Variants in PDZD2 observed in about 807,000 individuals in gnomAD.
PDZD2 encodes the protein PDZ domain containing 2, also known as PDZ domain-containing protein 2.
Under a neutral mutation model 220.7 loss-of-function variants are expected in PDZD2, and 90 were observed. That is an observed-to-expected ratio of 0.41 (90% CI 0.34 to 0.49). PDZD2 has a LOEUF of 0.49. Ranked by LOEUF, PDZD2 falls within the 20% of genes least tolerant of loss-of-function variation. The probability of loss-of-function intolerance (pLI) is 0.28; values close to 1 mark genes in which losing one functional copy is unlikely to be tolerated. For missense variants in PDZD2, 3,174 were observed against 3,608.5 expected (o/e 0.88, Z 3.08); for synonymous variants, 1,375 against 1,450.5 (o/e 0.95, Z 1.18).
intron 2 of PDZD2, among the ~76,000 whole-genome samples, chr5:31,923,917 G>C (rs533115346): frequency 6.6e-6 from 1 of 152,096 alleles, no homozygotes; most frequent in African/African-American, 2.4e-5. Flanking sequence ...CACTAGAGTC[G>C]TGTCTCCTGC....
chr5:31,724,092 C>G (rs1748967344), intron 1 of PDZD2, among the ~76,000 whole-genome samples: 1 of 152,176 alleles, frequency 6.6e-6, no homozygotes, highest in African/African-American at 2.4e-5. Context: ...TTACTTGCTT[C>G]TAACAGCTGT....
chr5:32,011,272 T>C (rs1753295303), intron 6 of PDZD2, among the ~76,000 whole-genome samples: 1 of 151,080 alleles, frequency 6.6e-6, no homozygotes, highest in East Asian at 2.0e-4. Flanking sequence ...GTGGATTGCT[T>C]GAGCTCAGGA....
At chr5:31,731,750 GA>G (rs1431923625) in intron 1 of PDZD2, among the ~76,000 whole-genome samples, 1 of 152,162 alleles carries the variant, frequency 6.6e-6, no homozygotes, top group Non-Finnish European at 1.5e-5. Context: ...TTCATCTGTT[GA>G]TGAACATTTG....
rs1313772729 is a variant in PDZD2, at chr5:32,069,605, A to G, written c.2488A>G (p.Ser830Gly). ...GGAAATGGATGAAGTCATAGCACGCAGCACTTATCAGGAGAGCAAAGAGGC... is the reference window on the plus strand; with the variant it reads ...GGAAATGGATGAAGTCATAGCACGCGGCACTTATCAGGAGAGCAAAGAGGC... ...EQEMDEVIAR[S>G]TYQESKEANS... The change falls in exon 15 of 25, where the codon AGC becomes GGC. Residue 830 changes from serine (S) to glycine (G), a missense_variant. Ser to Gly is a moderately conservative substitution (Grantham distance 56, BLOSUM62 0). Coordinates refer to ENST00000438447, the MANE Select transcript of PDZD2 (RefSeq NM_178140.4). 1 of 1,601,194 alleles carries G rather than the reference A, an allele frequency of 6.2e-7. No homozygotes were observed. The highest frequency in any genetic ancestry group is 1.1e-5 in the South Asian group (1 of 90,844).
At chr5:31,834,437 AG>A (rs1378808030) in intron 2 of PDZD2, among the ~76,000 whole-genome samples, 1 of 152,196 alleles carries the variant, frequency 6.6e-6, no homozygotes, top group Non-Finnish European at 1.5e-5. Flanking sequence ...AGTGGCAAAA[AG>A]TTTCTTGAAT....
At chr5:31,933,817 C>T (rs1408970111) in intron 2 of PDZD2, among the ~76,000 whole-genome samples, 2 of 152,138 alleles carry the variant, frequency 1.3e-5, no homozygotes, top group African/African-American at 4.8e-5. Flanking sequence ...AGTGAGTGCA[C>T]AGTGGTCTCC....
intron 16 of PDZD2, among the ~76,000 whole-genome samples, chr5:32,071,712 G>A (rs1300277427): frequency 6.6e-6 from 1 of 152,178 alleles, no homozygotes; most frequent in Non-Finnish European, 1.5e-5. Flanking sequence ...GTCAGGACTT[G>A]GGGCTTTAAG....
chr5:31,827,866 C>A (rs1756325056), intron 2 of PDZD2, among the ~76,000 whole-genome samples: 2 of 152,164 alleles, frequency 1.3e-5, no homozygotes, highest in East Asian at 3.9e-4. Flanking sequence ...AAAAAGAAGA[C>A]ACATACCTAT....
chr5:32,007,706 C>CTG (rs1342453384), intron 5 of PDZD2, among the ~76,000 whole-genome samples: 11 of 152,210 alleles, frequency 7.2e-5, no homozygotes, highest in African/African-American at 2.4e-4. Flanking sequence ...TTAAGACGTT[C>CTG]TGTGTGTTTC....
intron 1 of PDZD2, among the ~76,000 whole-genome samples, chr5:31,757,404 A>C (rs1023473473): frequency 6.6e-6 from 1 of 152,162 alleles, no homozygotes; most frequent in African/African-American, 2.4e-5. Flanking sequence ...ATCCTGGCTA[A>C]CACGGTGAAA....
intron 1 of PDZD2, among the ~76,000 whole-genome samples, chr5:31,786,370 C>G (rs952522090): frequency 1.3e-5 from 2 of 152,090 alleles, no homozygotes; most frequent in African/African-American, 4.8e-5. Context: ...GTACCCCACC[C>G]CCCAGGCAAG....
intron 1 of PDZD2, among the ~76,000 whole-genome samples, chr5:31,652,072 C>T (rs551180038): frequency 1.3e-5 from 2 of 149,758 alleles, no homozygotes; most frequent in African/African-American, 4.9e-5. Context: ...ACCTTGTGAT[C>T]CGCTCGCCTT....
Position 32,089,263 on chromosome 5 carries a change from G to A in PDZD2, c.5815G>A (p.Asp1939Asn), listed in dbSNP as rs149433149. The change falls in exon 20 of 25, where the codon GAC becomes AAC. Residue 1939 changes from aspartate to asparagine, a missense_variant. Asp to Asn is a conservative substitution (Grantham distance 23). This residue lies in a region of PDZD2 where 1,861 missense variants were observed against 2,001.0 expected (regional missense o/e 0.93). Transcript: ENST00000438447. Reference sequence around the variant, plus strand: ...AGTGTCACAGCGGCTCCATGTAGCCGACCACGAGGACCCTGACAGAAACAC... The same window carrying A: ...AGTGTCACAGCGGCTCCATGTAGCCAACCACGAGGACCCTGACAGAAACAC... Reference protein sequence around the residue: ...KAVSQRLHVADHEDPDRNTTA... With the variant: ...KAVSQRLHVANHEDPDRNTTA... 1.6e-4 allele frequency: 265 copies of A among 1,614,076 alleles called. No individual in the cohort carries two copies. In the Admixed American group the frequency reaches 2.9e-3, roughly 18 times the overall value.
At chr5:32,050,988 T>C (rs541434075) in intron 8 of PDZD2, among the ~76,000 whole-genome samples, 27 of 152,268 alleles carry the variant, frequency 1.8e-4, no homozygotes, top group African/African-American at 6.5e-4. Flanking sequence ...TTTTTAATTT[T>C]AATTAATTTT....
chr5:31,995,139 A>G (rs1751526760), intron 3 of PDZD2, among the ~76,000 whole-genome samples: 1 of 152,186 alleles, frequency 6.6e-6, no homozygotes, highest in African/African-American at 2.4e-5. Context: ...GCACAGTGGC[A>G]TCCGGGTTTC....
intron 2 of PDZD2, among the ~76,000 whole-genome samples, chr5:31,955,077 T>C (rs1747540934): frequency 6.6e-6 from 1 of 152,178 alleles, no homozygotes; most frequent in Non-Finnish European, 1.5e-5. Context: ...AGGACCTGTC[T>C]CTAGGAGCTG....
chr5:31,941,464 C>T lies in PDZD2; in HGVS notation c.477-41691C>T, dbSNP rs150877465. Among the ~76,000 whole-genome samples, 4 of 152,318 alleles carry T rather than the reference C, an allele frequency of 2.6e-5. No individual in the cohort carries two copies. The East Asian group carries it at 7.7e-4, about 29-fold the overall frequency. On this transcript the variant is annotated intron_variant, in intron 2 of 24. Transcript: ENST00000438447. ...GGAAACAGAAAATTACATCTAAGTGCTGCAGGAAAGAAGGTGGCAAAAATA... is the reference window on the plus strand; with the variant it reads ...GGAAACAGAAAATTACATCTAAGTGTTGCAGGAAAGAAGGTGGCAAAAATA...
chr5:31,760,111 C>G (rs1751542077), intron 1 of PDZD2, among the ~76,000 whole-genome samples: 1 of 152,072 alleles, frequency 6.6e-6, no homozygotes, highest in Admixed American at 6.5e-5. Context: ...GAAGCAGACC[C>G]AGAGTGGGAG....
intron 4 of PDZD2, among the ~76,000 whole-genome samples, chr5:31,999,528 C>G (rs910615536): frequency 1.3e-5 from 2 of 151,672 alleles, no homozygotes; most frequent in Admixed American, 1.3e-4. Context: ...CAAACACACA[C>G]AAAAAAACAT....
Sources: allele counts gnomAD v4.1 joint callset (sites outside exome capture counted in the v4.1 genomes callset), GRCh38; gene constraint gnomAD v4.1.1; regional missense constraint gnomAD v4.1.1; transcripts MANE v1.5; gene names NCBI Gene and HGNC (gene_info 2026-07-23, HGNC 2026-07-21).